Variants in IYD observed in about 807,000 individuals in gnomAD.
The protein encoded by IYD is iodotyrosine deiodinase.
A neutral mutation model predicts 28.4 loss-of-function variants in IYD; 25 were observed. The observed-to-expected ratio is 0.88, with a 90% CI of 0.64 to 1.23. The LOEUF is 1.23. Ranked by LOEUF, IYD falls within the 50% of genes most tolerant of loss-of-function variation. The pLI is 0.00. For synonymous variants in IYD, 140 were observed against 130.8 expected, an observed-to-expected ratio of 1.07 and a Z score of -0.48; for missense variants, 352 against 357.9, an observed-to-expected ratio of 0.98 and a Z score of 0.13.
intron 1 of IYD, among the ~76,000 whole-genome samples, chr6:150,370,207 ATG>A (rs979891408): frequency 1.4e-5 from 2 of 146,302 alleles, no homozygotes; most frequent in Non-Finnish European, 3.0e-5. Context: ...ATGAATGTGC[ATG>A]TGTGTGTGCG....
intron 1 of IYD, among the ~76,000 whole-genome samples, chr6:150,372,890 C>CA (rs1777321150): frequency 6.6e-6 from 1 of 152,064 alleles, no homozygotes; most frequent in Non-Finnish European, 1.5e-5. Context: ...AGTTAGGGTC[C>CA]AAGAAAGAAG....
At position 150,405,804 on chromosome 6, in the gene IYD, T is replaced by A. The variant is rs1778624486; in HGVS notation, c.*7567T>A. ...GTGAAGACATAGCCAAACCATATCA[T>A]CATCTTAAATTTCTGTGATTCTTTT... is the stretch of plus-strand genomic sequence containing the variant. On this transcript the variant is annotated 3_prime_UTR_variant, in exon 5 of 5. Transcript: ENST00000344419. 1 of 152,190 alleles carries A rather than the reference T, an allele frequency of 6.6e-6. No homozygotes were observed. 9.4% of individuals were successfully genotyped at this position (152,190 alleles called of 1,614,324 possible).
At chr6:150,375,872 A>G (rs1233658418) in intron 1 of IYD, among the ~76,000 whole-genome samples, 1 of 152,214 alleles carries the variant, frequency 6.6e-6, no homozygotes, top group Non-Finnish European at 1.5e-5. Context: ...AGAAGGGAAC[A>G]AGGATGATGT....
chr6:150,377,359 G>A (rs1356489732), intron 1 of IYD, among the ~76,000 whole-genome samples: 1 of 152,168 alleles, frequency 6.6e-6, no homozygotes, highest in Non-Finnish European at 1.5e-5. Context: ...GAGCAGTCAG[G>A]AGTTCAAGAG....
chr6:150,398,431 C>T lies in IYD; in HGVS notation c.*194C>T. ...ACTTCCAGTCCCATAAATCCTGTTT[C>T]TTATCCACTTTGGAAATGCATGAAC... On this transcript the variant is annotated 3_prime_UTR_variant, in exon 5 of 5. Coordinates refer to ENST00000344419, the MANE Select transcript of IYD (RefSeq NM_203395.3). 1 of 593,542 alleles carries T rather than the reference C, an allele frequency of 1.7e-6. No homozygotes were observed. The highest frequency in any genetic ancestry group is 3.0e-6 in the Non-Finnish European group (1 of 333,998). 36.8% of individuals were successfully genotyped at this position (593,542 alleles called of 1,614,324 possible). A position where few individuals can be genotyped will look rare whatever the true frequency, so the allele number is the denominator to read the frequency against.
chr6:150,380,043 C>A (rs1391764009), intron 1 of IYD, among the ~76,000 whole-genome samples: 1 of 152,046 alleles, frequency 6.6e-6, no homozygotes. Context: ...AGGGAGGAAG[C>A]TTTCCCCCTT....
At position 150,389,500 on chromosome 6, in the gene IYD, G is replaced by A. The variant is rs1174632537; in HGVS notation, c.327G>A (p.Glu109=). 1.2e-6 allele frequency: 2 copies of A among 1,614,074 alleles called. No homozygotes were observed. The highest frequency in any genetic ancestry group is 3.3e-5 in the Admixed American group (2 of 60,018). The change falls in exon 2 of 5, where the codon GAG becomes GAA. Residue 109 remains glutamate (E), a synonymous_variant. Transcript: ENST00000344419. ...GGTCAGTCAGGTTCATAAGTAATGA[G>A]CAAGTCCCAATGGAAGTCATTGATA... The part of the protein sequence containing the change: ...KRRSVRFISN[E]QVPMEVIDNV...
rs1778569193 is a variant in IYD at position 150,403,625 on chromosome 6, G to C, written c.*5388G>C. The C allele has an allele frequency of 6.6e-6, 1 of 152,272 alleles. No homozygotes were observed. Among genetic ancestry groups the C allele is most frequent in the African/African-American group, 2.4e-5 (1 of 41,462 alleles). The allele number at this position is 152,272 out of a possible 1,614,324, so 9.4% of individuals were successfully genotyped here. On this transcript the variant is annotated 3_prime_UTR_variant, in exon 5 of 5. Transcript: ENST00000344419. The stretch of plus-strand genomic sequence containing the variant: ...CCAGCACATCCAGGGGCAGGCTCAA[G>C]GGAGAACAGCCCCCAAAGCTAAGAT...
chr6:150,391,228 G>A (rs1193816228), intron 2 of IYD, among the ~76,000 whole-genome samples: 4 of 107,852 alleles, frequency 3.7e-5, no homozygotes, highest in East Asian at 2.9e-4. Context: ...AGAGTGAGAC[G>A]CCATCAAAAA....
chr6:150,396,343 A>T, intron 4 of IYD: 1 of 457,426 alleles, frequency 2.2e-6, no homozygotes, highest in Non-Finnish European at 3.8e-6. Flanking sequence ...CAGTTAAAAA[A>T]ATCCTGACCT....
intron 1 of IYD, among the ~76,000 whole-genome samples, chr6:150,371,216 A>G (rs1777227704): frequency 6.6e-6 from 1 of 152,236 alleles, no homozygotes; most frequent in Non-Finnish European, 1.5e-5. Flanking sequence ...TCACAGCCAC[A>G]TATTATGTGT....
chr6:150,391,442 A>T (rs886092859), intron 2 of IYD, among the ~76,000 whole-genome samples: 3 of 152,202 alleles, frequency 2.0e-5, no homozygotes, highest in African/African-American at 7.2e-5. Context: ...TTACTAAAAC[A>T]AATGACAGTC....
chr6:150,380,791 A>C (rs674026), intron 1 of IYD, among the ~76,000 whole-genome samples: 86,903 of 151,940 alleles, frequency 0.57, 25,266 homozygotes, highest in African/African-American at 0.65. Context: ...CAACTCCTCA[A>C]ACAGCATGTT....
At chr6:150,375,278 G>A (rs887019920) in intron 1 of IYD, among the ~76,000 whole-genome samples, 3 of 152,072 alleles carry the variant, frequency 2.0e-5, no homozygotes, top group African/African-American at 7.3e-5. Flanking sequence ...TTAGAGTTTT[G>A]GGGTGGGCCA....
chr6:150,396,532 C>A, intron 4 of IYD: 1 of 677,698 alleles, frequency 1.5e-6, no homozygotes, highest in African/African-American at 1.8e-5. Context: ...TTGAAAAGGA[C>A]CAAGATATAA....
rs1370188481 is a variant in IYD at position 150,400,699 on chromosome 6, T to G, written c.*2462T>G. The G allele has an allele frequency of 6.6e-6, 1 of 152,220 alleles. No individual in the cohort carries two copies. Among genetic ancestry groups the G allele is most frequent in the East Asian group, 1.9e-4 (1 of 5,198 alleles). 9.4% of individuals were successfully genotyped at this position (152,220 alleles called of 1,614,324 possible). ...AGTGGTCCTGGGCCTGTATCATCAT[T>G]GGGACCACCTGGGCGCTTGTTAGAA... On this transcript the variant is annotated 3_prime_UTR_variant, in exon 5 of 5. Coordinates refer to ENST00000344419, the MANE Select transcript of IYD (RefSeq NM_203395.3).
intron 1 of IYD, among the ~76,000 whole-genome samples, chr6:150,376,356 G>T (rs925851838): frequency 6.6e-6 from 1 of 152,180 alleles, no homozygotes; most frequent in Non-Finnish European, 1.5e-5. Flanking sequence ...ACCCAGTGGG[G>T]TCCAGATGCT....
At position 150,386,754 on chromosome 6, in the gene IYD, G is replaced by A. The variant is rs182121395; in HGVS notation, c.179-2598G>A. Among the ~76,000 whole-genome samples the A allele has an allele frequency of 4.9e-3, 740 of 152,006 alleles. 1 individual carries two copies. Among genetic ancestry groups the A allele is most frequent in the South Asian group, 9.4e-3 (45 of 4,804 alleles). On this transcript the variant is annotated intron_variant, in intron 1 of 4. Transcript: ENST00000344419. Reference sequence around the variant, plus strand: ...AAATTAAATTGTATTATTATAAACTGACCCTTTTTATTATCAATAATGCTT... The same window carrying A: ...AAATTAAATTGTATTATTATAAACTAACCCTTTTTATTATCAATAATGCTT...
At chr6:150,391,971 A>G (rs1778136607) in intron 2 of IYD, among the ~76,000 whole-genome samples, 1 of 152,054 alleles carries the variant, frequency 6.6e-6, no homozygotes, top group African/African-American at 2.4e-5. Context: ...GGCCTCCCAA[A>G]GTGCTGGGAT....
Sources: allele counts gnomAD v4.1 joint callset (sites outside exome capture counted in the v4.1 genomes callset), GRCh38; gene constraint gnomAD v4.1.1; transcripts MANE v1.5; gene names NCBI Gene and HGNC (gene_info 2026-07-23, HGNC 2026-07-21).